The following ITGAL variants were observed in gnomAD, a reference collection of about 807,000 sequenced individuals.
ITGAL encodes integrin subunit alpha L.
In ITGAL, 68 loss-of-function variants were observed where a neutral mutation model predicts 138.4. The observed-to-expected ratio is 0.49, with a 90% CI of 0.40 to 0.60. The LOEUF (loss-of-function observed/expected upper bound fraction) is 0.60. Among genes scored for constraint, ITGAL ranks in the 20% least tolerant of loss-of-function variants. The pLI is 0.00. For synonymous variants in ITGAL, 561 were observed against 584.3 expected, an observed-to-expected ratio of 0.96 and a Z score of 0.57; for missense variants, 1,256 against 1,478.6, an observed-to-expected ratio of 0.85 and a Z score of 2.47.
chr16:30,475,236 T>A lies in ITGAL; in HGVS notation c.165-70T>A, dbSNP rs1037287361. ...AGAAATGAGACAGGAGATCTGAACC[T>A]CCTTAGCAGGCAGGAGTAGATGGGT... On this transcript the variant is annotated intron_variant, in intron 2 of 30. Transcript: ENST00000356798. 5.5e-6 allele frequency: 6 copies of A among 1,092,412 alleles called. No homozygotes were observed. In the African/African-American group the frequency reaches 6.3e-5, roughly 11 times the overall value. The allele number at this position is 1,092,412 out of a possible 1,614,324, so 67.7% of individuals were successfully genotyped here.
intron 6 of ITGAL, among the ~76,000 whole-genome samples, 187 bp downstream of exon 6, chr16:30,479,648 CTTTTTTTTTTTTTTTTTT>C (rs59770529): frequency 5.5e-5 from 4 of 72,862 alleles, no homozygotes; most frequent in South Asian, 8.6e-4. Flanking sequence ...TTCTCATTTC[CTTTTTTTTTTTTTTTTTT>C]TTTTTTTTTT....
At chr16:30,482,217 G>T (rs965206560) in intron 7 of ITGAL, among the ~76,000 whole-genome samples, 1 of 152,082 alleles carries the variant, frequency 6.6e-6, no homozygotes, top group Non-Finnish European at 1.5e-5. Flanking sequence ...GTTTGAAGCT[G>T]CAGTGAGCTA....
intron 26 of ITGAL, 152 bp from the exon 27 acceptor site, chr16:30,517,497 A>T (rs1047350140): frequency 6.0e-6 from 4 of 667,706 alleles, no homozygotes; most frequent in East Asian, 5.4e-5. Flanking sequence ...GGCTGGGTGT[A>T]TGGAGAGTAA....
In ITGAL at chr16:30,517,623, A is replaced by C; in HGVS notation, c.2977-26A>C. 3.1e-6 allele frequency: 5 copies of C among 1,609,568 alleles called. No individual in the cohort carries two copies. The South Asian group carries it at 5.5e-5, about 18-fold the overall frequency. On this transcript the variant is annotated intron_variant, in intron 26 of 30. Transcript: ENST00000356798. ...TCTTATCTGGGTTGGGGAGGCTCTAACTGAAGACCTGCCGCTTGTTCCTAG... is the reference window on the plus strand; with the variant it reads ...TCTTATCTGGGTTGGGGAGGCTCTACCTGAAGACCTGCCGCTTGTTCCTAG...
intron 9 of ITGAL, among the ~76,000 whole-genome samples, chr16:30,488,058 G>A (rs1357964168): frequency 6.6e-6 from 1 of 152,010 alleles, no homozygotes; most frequent in Non-Finnish European, 1.5e-5. Context: ...AGCCAGGCAC[G>A]GTGGTGCATA....
chr16:30,497,162 G>A (rs1330025537), intron 15 of ITGAL, among the ~76,000 whole-genome samples: 2 of 151,996 alleles, frequency 1.3e-5, no homozygotes, highest in African/African-American at 4.8e-5. Flanking sequence ...GGCTAACACG[G>A]TGAAACCCTG....
chr16:30,479,360 T>C lies in ITGAL; in HGVS notation c.475T>C (p.Phe159Leu). 6.2e-7 allele frequency: 1 copy of C among 1,614,140 alleles called. No homozygotes were observed. The highest frequency in any genetic ancestry group is 1.1e-5 in the South Asian group (1 of 91,070). Residue 159 changes from phenylalanine to leucine, a missense_variant, in exon 6 of 31, where the codon TTT becomes CTT. Physicochemically the swap from Phe to Leu is conservative, Grantham distance 22 (BLOSUM62 0). This residue lies in a region of ITGAL where 212 missense variants were observed against 217.4 expected (regional missense o/e 0.98). Coordinates refer to ENST00000356798, the MANE Select transcript of ITGAL (RefSeq NM_002209.3). ...TATCAAGGGCAACGTAGACCTGGTA[T>C]TTCTGTTTGATGGTTCGATGAGCTT... ...ECIKGNVDLVFLFDGSMSLQP... is the reference protein window; with the variant it reads ...ECIKGNVDLVLLFDGSMSLQP...
At chr16:30,487,223 G>A (rs1381037356) in intron 9 of ITGAL, among the ~76,000 whole-genome samples, 1 of 151,376 alleles carries the variant, frequency 6.6e-6, no homozygotes, top group African/African-American at 2.4e-5. Flanking sequence ...CAATCTTCCT[G>A]CTTCAGCCTC....
chr16:30,489,603 G>T (rs903625398), intron 11 of ITGAL, among the ~76,000 whole-genome samples: 3 of 152,140 alleles, frequency 2.0e-5, no homozygotes, highest in Non-Finnish European at 4.4e-5. Flanking sequence ...CTCTCCCAGG[G>T]TAGGCAAATT....
chr16:30,481,037 C>G (rs1274360660), intron 6 of ITGAL: 1 of 199,378 alleles, frequency 5.0e-6, no homozygotes, highest in African/African-American at 2.4e-5. Flanking sequence ...CACGGTGGCT[C>G]ATGCCTGTAA....
At chr16:30,501,508 T>C (rs1199213723) in intron 17 of ITGAL, among the ~76,000 whole-genome samples, 2 of 147,612 alleles carry the variant, frequency 1.4e-5, no homozygotes, top group Admixed American at 6.9e-5. Context: ...ACCCAGGAGA[T>C]GGAGGTTGCA....
At chr16:30,497,824 G>A (rs1158875104) in intron 15 of ITGAL, among the ~76,000 whole-genome samples, 1 of 150,868 alleles carries the variant, frequency 6.6e-6, no homozygotes, top group East Asian at 2.0e-4. Context: ...GTGCATGACT[G>A]TAGGCCCAGC....
intron 24 of ITGAL, among the ~76,000 whole-genome samples, chr16:30,513,238 G>A (rs1331018134): frequency 6.6e-6 from 1 of 152,160 alleles, no homozygotes; most frequent in African/African-American, 2.4e-5. Context: ...CATACCTGGG[G>A]GACAGGGATT....
intron 2 of ITGAL, chr16:30,474,537 A>G: frequency 1.9e-6 from 1 of 533,348 alleles, no homozygotes; most frequent in Non-Finnish European, 3.4e-6. Flanking sequence ...TCCCAGCCCC[A>G]AAACACTTCG....
At chr16:30,479,254 G>T in intron 5 of ITGAL, 46 bp downstream of exon 5, 8 of 1,612,906 alleles carry the variant, frequency 5.0e-6, no homozygotes, top group Non-Finnish European at 6.8e-6. Flanking sequence ...CCAAATGGCT[G>T]TCCCTAGAGA....
chr16:30,483,721 G>C lies in ITGAL; in HGVS notation c.723-106G>C, dbSNP rs2050591475. On this transcript the variant is annotated intron_variant, in intron 7 of 30. Transcript: ENST00000356798. ...AATCCCGGCCTGGGAGATCCAGGAA[G>C]GGCTTTTGCGTAACCAGCATGGAGG... is the stretch of plus-strand genomic sequence containing the variant. The C allele has an allele frequency of 1.5e-5, 19 of 1,252,898 alleles. No individual in the cohort carries two copies. In the Admixed American group the frequency reaches 4.1e-4, roughly 27 times the overall value. 77.6% of individuals were successfully genotyped at this position (1,252,898 alleles called of 1,614,324 possible).
At chr16:30,491,335 A>G (rs1485211241) in intron 11 of ITGAL, among the ~76,000 whole-genome samples, 3 of 152,032 alleles carry the variant, frequency 2.0e-5, no homozygotes, top group African/African-American at 4.8e-5. Context: ...CTGGAGGTAC[A>G]GGTTGCAGTG....
chr16:30,474,156 G>C, intron 1 of ITGAL, 40 bp from the exon 2 acceptor site: 1 of 1,451,400 alleles, frequency 6.9e-7, no homozygotes, highest in South Asian at 1.2e-5. Context: ...GCAGGGGCGG[G>C]GGTCCCTCGG....
At chr16:30,517,951 C>A in intron 28 of ITGAL, 56 bp downstream of exon 28, 1 of 1,447,622 alleles carries the variant, frequency 6.9e-7, no homozygotes, top group Non-Finnish European at 9.7e-7. Flanking sequence ...ATGCCTGGGG[C>A]CGTTGTGGGT....
Sources: allele counts gnomAD v4.1 joint callset (sites outside exome capture counted in the v4.1 genomes callset), GRCh38; gene constraint gnomAD v4.1.1; regional missense constraint gnomAD v4.1.1; transcripts MANE v1.5; gene names NCBI Gene and HGNC (gene_info 2026-07-23, HGNC 2026-07-21).